CBL: variants seen among roughly 807,000 people sequenced by gnomAD.
CBL encodes the protein Cbl proto-oncogene.
In CBL, 45 loss-of-function variants were observed where a neutral mutation model predicts 96.9. The observed-to-expected ratio is 0.46, with a 90% CI of 0.37 to 0.60. The LOEUF (loss-of-function observed/expected upper bound fraction) is 0.60. Ranked by LOEUF, CBL falls within the 20% of genes least tolerant of loss-of-function variation. The pLI is 0.00. For synonymous variants in CBL, 420 were observed against 426.8 expected (o/e 0.98, Z 0.20); for missense variants, 1,024 against 1,143.5 (o/e 0.90, Z 1.51).
In CBL at chr11:119,300,753, A is replaced by G. The variant is rs1950096213; in HGVS notation, c.*972A>G. The G allele has an allele frequency of 2.5e-6, 1 of 393,622 alleles. No individual in the cohort carries two copies. The highest frequency in any genetic ancestry group is 1.4e-4 in the South Asian group (1 of 6,956). The allele number at this position is 393,622 out of a possible 1,614,324, so 24.4% of individuals were successfully genotyped here. The stretch of plus-strand genomic sequence containing the variant: ...GGAGTCAGTTGCCTTGGTGCCAGGT[A>G]TGTGTTCTGATGTAGGTCATGAGTC... On this transcript the variant is annotated 3_prime_UTR_variant, in exon 16 of 16. Coordinates refer to ENST00000264033, the MANE Select transcript of CBL (RefSeq NM_005188.4).
rs1333992601 is a variant in CBL, at chr11:119,285,570, A to C, written c.1941+4A>C. 3 of 1,613,628 alleles carry C rather than the reference A, an allele frequency of 1.9e-6. No homozygotes were observed. In the Admixed American group the frequency reaches 5.0e-5, roughly 27 times the overall value. On this transcript the variant is annotated splice_donor_region_variant and intron_variant, in intron 11 of 15. Transcript: ENST00000264033. ...GTTCAGTCTGGATACCTCCATGGTG[A>C]GTCTTAATTTTGAAACTATCTAACC...
In CBL at chr11:119,278,268, A is replaced by G. The variant is rs878856172; in HGVS notation, c.1198A>G (p.Met400Val). 3.7e-6 allele frequency: 6 copies of G among 1,613,590 alleles called. No individual in the cohort carries two copies. Among genetic ancestry groups the G allele is most frequent in the Non-Finnish European group, 5.1e-6 (6 of 1,179,496 alleles). ...DVKIEPCGHL[M>V]CTSCLTSWQE... ...AAAGATTGAGCCCTGTGGACACCTC[A>G]TGTGCACATCCTGTCTTACATCCTG... The change falls in exon 8 of 16, where the codon ATG (methionine) becomes GTG (valine). Residue 400 changes from methionine (M) to valine (V), a missense_variant. Physicochemically the swap from Met to Val is conservative, Grantham distance 21. Coordinates refer to ENST00000264033, the MANE Select transcript of CBL (RefSeq NM_005188.4).
intron 1 of CBL, among the ~76,000 whole-genome samples, chr11:119,214,273 C>T (rs1007940157): frequency 3.3e-5 from 5 of 151,178 alleles, no homozygotes; most frequent in Non-Finnish European, 5.9e-5. Flanking sequence ...CAGAGTCTCG[C>T]TCTGTCACCC....
At chr11:119,251,488 T>C (rs1949669524) in intron 2 of CBL, among the ~76,000 whole-genome samples, 1 of 152,236 alleles carries the variant, frequency 6.6e-6, no homozygotes, top group African/African-American at 2.4e-5. Flanking sequence ...ACAGAAGTGA[T>C]TCTTTGGAGG....
At chr11:119,223,663 T>C (rs1302213964) in intron 1 of CBL, among the ~76,000 whole-genome samples, 1 of 151,178 alleles carries the variant, frequency 6.6e-6, no homozygotes, top group Admixed American at 6.6e-5. Context: ...TCTCTCTCTC[T>C]GTTGCCAGGC....
chr11:119,218,173 G>A (rs1893032), intron 1 of CBL, among the ~76,000 whole-genome samples: 43,201 of 152,048 alleles, frequency 0.28, 6,543 homozygotes, highest in South Asian at 0.59. Flanking sequence ...CATAAATGTA[G>A]TAGTTGCTGG....
chr11:119,207,197 A>G (rs1189054486), intron 1 of CBL, among the ~76,000 whole-genome samples: 5 of 152,174 alleles, frequency 3.3e-5, no homozygotes, highest in Admixed American at 3.3e-4. Context: ...TGTTTAAGTG[A>G]GGCAAGGAAA....
chr11:119,236,167 G>T (rs1411312646), intron 2 of CBL, among the ~76,000 whole-genome samples: 2 of 152,006 alleles, frequency 1.3e-5, no homozygotes, highest in Non-Finnish European at 2.9e-5. Flanking sequence ...TGTAATTCCA[G>T]AACATTTTCA....
intron 2 of CBL, among the ~76,000 whole-genome samples, chr11:119,234,039 T>G (rs1055496904): frequency 1.3e-5 from 2 of 152,156 alleles, no homozygotes; most frequent in African/African-American, 4.8e-5. Context: ...GGAGTCTTGC[T>G]GTTGTCACCC....
intron 2 of CBL, among the ~76,000 whole-genome samples, chr11:119,258,523 T>C (rs2135285912): frequency 6.6e-6 from 1 of 152,252 alleles, no homozygotes; most frequent in East Asian, 1.9e-4. Context: ...TCATGAGAAC[T>C]CTGCCCTCAT....
intron 1 of CBL, among the ~76,000 whole-genome samples, chr11:119,216,664 C>G (rs553880758): frequency 6.6e-6 from 1 of 152,268 alleles, no homozygotes; most frequent in South Asian, 2.1e-4. Context: ...GCCACTGCGA[C>G]CAGCCTCTTG....
intron 6 of CBL, 128 bp from the exon 7 acceptor site, chr11:119,277,629 A>G: frequency 2.9e-6 from 2 of 684,364 alleles, no homozygotes; most frequent in Admixed American, 2.4e-5. Context: ...TTTTGAAGTA[A>G]GATTGATCTT....
intron 1 of CBL, among the ~76,000 whole-genome samples, chr11:119,225,178 C>T (rs1949448229): frequency 6.6e-6 from 1 of 151,902 alleles, no homozygotes; most frequent in Non-Finnish European, 1.5e-5. Context: ...CTCACTGCAA[C>T]CTCCACCTCC....
At chr11:119,240,561 T>G (rs766232220) in intron 2 of CBL, among the ~76,000 whole-genome samples, 9 of 152,342 alleles carry the variant, frequency 5.9e-5, no homozygotes, top group Admixed American at 2.6e-4. Flanking sequence ...CAGTTTTCAC[T>G]TTGGCTTGGT....
At chr11:119,284,237 A>G (rs1219094146) in intron 9 of CBL, among the ~76,000 whole-genome samples, 1 of 151,794 alleles carries the variant, frequency 6.6e-6, no homozygotes, top group Non-Finnish European at 1.5e-5. Context: ...TGTCCCTTAA[A>G]CATTGTTTTC....
rs376626274 is a variant in CBL at position 119,299,401 on chromosome 11, G to C, written c.2435-94G>C. ...AGCACATGTACCCAGTTTACAGGAA[G>C]TCAGTAATATCTTGATATTAGCACA... is the stretch of plus-strand genomic sequence containing the variant. On this transcript the variant is annotated intron_variant, in intron 15 of 15. Coordinates refer to ENST00000264033, the MANE Select transcript of CBL (RefSeq NM_005188.4). 274 of 1,175,238 alleles carry C rather than the reference G, an allele frequency of 2.3e-4. No individual in the cohort carries two copies. In the African/African-American group the frequency reaches 3.5e-3, roughly 15 times the overall value. The allele number at this position is 1,175,238 out of a possible 1,614,324, so 72.8% of individuals were successfully genotyped here. A position where few individuals can be genotyped will look rare whatever the true frequency, so the allele number is the denominator to read the frequency against.
chr11:119,279,945 G>T lies in CBL; in HGVS notation c.1431+1232G>T, dbSNP rs1467642941. Reference sequence around the variant, plus strand: ...TGTTTTATTTAGGAAAAGGACATATGTGCAGGTGAAACACTTCAACACAAG... The same window carrying T: ...TGTTTTATTTAGGAAAAGGACATATTTGCAGGTGAAACACTTCAACACAAG... On this transcript the variant is annotated intron_variant, in intron 9 of 15. Transcript: ENST00000264033. Among the ~76,000 whole-genome samples the T allele has an allele frequency of 2.6e-5, 4 of 152,324 alleles. No homozygotes were observed. In the East Asian group the frequency reaches 7.7e-4, roughly 29 times the overall value.
chr11:119,214,085 C>A (rs1312485266), intron 1 of CBL, among the ~76,000 whole-genome samples: 1 of 152,148 alleles, frequency 6.6e-6, no homozygotes, highest in Non-Finnish European at 1.5e-5. Context: ...GCTGGGACTA[C>A]AGGTGTGTGC....
At chr11:119,233,086 G>A (rs1949516586) in intron 2 of CBL, among the ~76,000 whole-genome samples, 1 of 151,964 alleles carries the variant, frequency 6.6e-6, no homozygotes, top group African/African-American at 2.4e-5. Context: ...TTTATATGTG[G>A]GATAATAGGG....
Sources: allele counts gnomAD v4.1 joint callset (sites outside exome capture counted in the v4.1 genomes callset), GRCh38; gene constraint gnomAD v4.1.1; transcripts MANE v1.5; gene names NCBI Gene and HGNC (gene_info 2026-07-23, HGNC 2026-07-21).